The following CCDC149 variants were observed in gnomAD, a reference collection of about 807,000 sequenced individuals.
The protein encoded by CCDC149 is coiled-coil domain-containing protein 149.
A neutral mutation model predicts 59.9 loss-of-function variants in CCDC149; 45 were observed. That is an observed-to-expected ratio of 0.75 (90% confidence interval 0.59 to 0.96). CCDC149 has a LOEUF of 0.96. Among genes scored for constraint, CCDC149 ranks in the 40% least tolerant of loss-of-function variants. The probability of loss-of-function intolerance (pLI) is 0.00; values close to 1 mark genes in which losing one functional copy is unlikely to be tolerated. For missense variants in CCDC149, 584 were observed against 664.7 expected, an observed-to-expected ratio of 0.88 and a Z score of 1.33; for synonymous variants, 245 against 260.6, an observed-to-expected ratio of 0.94 and a Z score of 0.58.
intron 11 of CCDC149, 99 bp from the exon 12 acceptor site, chr4:24,820,074 A>G: frequency 1.3e-6 from 1 of 781,898 alleles, no homozygotes; most frequent in Admixed American, 2.5e-5. Context: ...GGCTACCCAC[A>G]GACACTACCA....
chr4:24,860,864 T>G (rs776304131), intron 3 of CCDC149, among the ~76,000 whole-genome samples: 1 of 152,088 alleles, frequency 6.6e-6, no homozygotes, highest in Non-Finnish European at 1.5e-5. Flanking sequence ...CATCACTAAT[T>G]ATCAGGAAAA....
intron 1 of CCDC149, among the ~76,000 whole-genome samples, chr4:24,946,717 G>A (rs1173523477): frequency 6.6e-6 from 1 of 152,172 alleles, no homozygotes. Context: ...TTATCCTAGC[G>A]TGGGTAGGAG....
chr4:24,849,254 C>T (rs569113168), intron 4 of CCDC149, among the ~76,000 whole-genome samples: 3 of 152,260 alleles, frequency 2.0e-5, no homozygotes, highest in South Asian at 4.2e-4. Context: ...CCCTGGGCAA[C>T]GTGCAAAGCT....
At chr4:24,935,848 T>C (rs77227790) in intron 1 of CCDC149, among the ~76,000 whole-genome samples, 1,615 of 152,294 alleles carry the variant, frequency 0.011, 12 homozygotes, top group Middle Eastern at 0.017. Context: ...GAGTCATCTA[T>C]ATATAGCTGG....
intron 1 of CCDC149, among the ~76,000 whole-genome samples, chr4:24,890,519 C>T (rs1383845860): frequency 6.6e-6 from 1 of 152,176 alleles, no homozygotes; most frequent in African/African-American, 2.4e-5. Context: ...ACTCTAAAGA[C>T]ACCAATCTTA....
At chr4:24,940,172 G>A (rs1040271409) in intron 1 of CCDC149, among the ~76,000 whole-genome samples, 4 of 152,204 alleles carry the variant, frequency 2.6e-5, no homozygotes, top group Non-Finnish European at 4.4e-5. Flanking sequence ...ACAAAAGGAA[G>A]CCCATCAGAC....
chr4:24,955,687 G>C (rs1723445074), intron 1 of CCDC149, among the ~76,000 whole-genome samples: 1 of 152,196 alleles, frequency 6.6e-6, no homozygotes, highest in South Asian at 2.1e-4. Context: ...AAATTATAGA[G>C]ACAGAAAGTA....
At chr4:24,862,393 T>G (rs1718439488) in intron 3 of CCDC149, among the ~76,000 whole-genome samples, 1 of 152,214 alleles carries the variant, frequency 6.6e-6, no homozygotes, top group Non-Finnish European at 1.5e-5. Context: ...CCAGAAGTTC[T>G]GCCCAAAAAG....
intron 1 of CCDC149, among the ~76,000 whole-genome samples, chr4:24,926,322 C>G (rs972411649): frequency 2.6e-5 from 4 of 152,252 alleles, no homozygotes; most frequent in African/African-American, 9.6e-5. Context: ...AATAAATATG[C>G]TTTCCATTTT....
In CCDC149 at chr4:24,808,675, G is replaced by A. The variant is rs780987100; in HGVS notation, c.1337C>T (p.Pro446Leu). The change falls in exon 13 of 13, where the codon CCC becomes CTC. Residue 446 changes from proline (P) to leucine (L), a missense_variant. Physicochemically the swap from Pro to Leu is moderately conservative, Grantham distance 98. Coordinates refer to ENST00000635206, the MANE Select transcript of CCDC149 (RefSeq NM_001330643.2). ...TACTTCTTCCTCAGAAGGTAACTGG[G>A]GTAATGAAGGATGAAAGAGCTTGCA... The A allele has an allele frequency of 3.2e-6, 5 of 1,552,272 alleles. No individual in the cohort carries two copies. The African/African-American group carries it at 6.8e-5, about 21-fold the overall frequency.
chr4:24,808,839 A>G lies in CCDC149; in HGVS notation c.1193-20T>C. Reference sequence around the variant, plus strand: ...CCTCCCCTGAAAACAGAACGAGGACAACATTAAACCTCTGGCAGCAAATCA... The same window carrying G: ...CCTCCCCTGAAAACAGAACGAGGACGACATTAAACCTCTGGCAGCAAATCA... On this transcript the variant is annotated intron_variant, in intron 12 of 12. Coordinates refer to ENST00000635206, the MANE Select transcript of CCDC149 (RefSeq NM_001330643.2). 1 of 1,531,780 alleles carries G rather than the reference A, an allele frequency of 6.5e-7. No homozygotes were observed. 94.9% of individuals were successfully genotyped at this position (1,531,780 alleles called of 1,614,324 possible).
intron 1 of CCDC149, among the ~76,000 whole-genome samples, chr4:24,890,239 G>A (rs925808306): frequency 6.6e-6 from 1 of 152,114 alleles, no homozygotes. Flanking sequence ...AGCCTACTCA[G>A]TCCTAACAGA....
chr4:24,842,545 C>T (rs1039233193), intron 4 of CCDC149, among the ~76,000 whole-genome samples: 3 of 152,184 alleles, frequency 2.0e-5, no homozygotes, highest in African/African-American at 7.2e-5. Context: ...GCACCCGCGC[C>T]GCCACCAATA....
intron 4 of CCDC149, among the ~76,000 whole-genome samples, chr4:24,852,214 C>A (rs1013101349): frequency 2.0e-5 from 3 of 151,636 alleles, no homozygotes; most frequent in African/African-American, 7.3e-5. Flanking sequence ...TGATGAAAGT[C>A]ACCATCATTT....
intron 1 of CCDC149, among the ~76,000 whole-genome samples, chr4:24,975,726 G>A (rs1724159627): frequency 6.6e-6 from 1 of 152,068 alleles, no homozygotes. Flanking sequence ...AGTAAACACA[G>A]TGTCAAGGGT....
At chr4:24,901,840 C>T (rs1342317666) in intron 1 of CCDC149, among the ~76,000 whole-genome samples, 2 of 152,228 alleles carry the variant, frequency 1.3e-5, no homozygotes, top group African/African-American at 4.8e-5. Context: ...TATTCCATCT[C>T]TCCAATCCTG....
At chr4:24,943,411 CA>C (rs1323702433) in intron 1 of CCDC149, among the ~76,000 whole-genome samples, 1 of 151,364 alleles carries the variant, frequency 6.6e-6, no homozygotes, top group Non-Finnish European at 1.5e-5. Context: ...ATACAAAAAT[CA>C]ATTCAAGATG....
intron 3 of CCDC149, among the ~76,000 whole-genome samples, chr4:24,873,138 A>T (rs1273996525): frequency 1.3e-5 from 2 of 151,008 alleles, no homozygotes; most frequent in African/African-American, 4.9e-5. Flanking sequence ...ATGCATCCAC[A>T]GAATGGTATG....
chr4:24,830,961 GTT>G (rs1716105731), intron 9 of CCDC149: 1 of 152,786 alleles, frequency 6.5e-6, no homozygotes, highest in Admixed American at 6.5e-5. Context: ...AACCTGCTTG[GTT>G]TTACACAACA....
Sources: gnomAD v4.1 joint callset for allele counts (sites outside exome capture counted in the v4.1 genomes callset) on GRCh38, gnomAD v4.1.1 for gene constraint, MANE v1.5 for transcripts, NCBI Gene and HGNC (gene_info 2026-07-23, HGNC 2026-07-21) for gene names.